RBFOX1: variants seen among roughly 807,000 people sequenced by gnomAD.
The protein encoded by RBFOX1 is RNA binding protein fox-1 homolog 1.
Under a neutral mutation model 57.7 loss-of-function variants are expected in RBFOX1, and 8 were observed. The ratio of observed to expected loss-of-function variants is 0.14; its 90% CI spans 0.08 to 0.25. The LOEUF (loss-of-function observed/expected upper bound fraction) is 0.25. RBFOX1 is among the 10% of genes least tolerant of loss of function. RBFOX1 has a pLI of 1.00. For synonymous variants in RBFOX1, 326 were observed against 222.4 expected, an observed-to-expected ratio of 1.47 and a Z score of -4.15; for missense variants, 611 against 548.5, an observed-to-expected ratio of 1.11 and a Z score of -1.14.
chr16:6,521,444 C>T (rs1235768367), intron 2 of RBFOX1, among the ~76,000 whole-genome samples: 1 of 144,252 alleles, frequency 6.9e-6, no homozygotes, highest in Non-Finnish European at 1.5e-5. Context: ...CCCTCCCCTC[C>T]CCTCCCGTCC....
chr16:6,396,429 C>T (rs1242276270), intron 2 of RBFOX1, among the ~76,000 whole-genome samples: 1 of 152,126 alleles, frequency 6.6e-6, no homozygotes, highest in Non-Finnish European at 1.5e-5. Flanking sequence ...CAATGAAAGA[C>T]ACATAGATAG....
intron 1 of RBFOX1, among the ~76,000 whole-genome samples, chr16:6,053,467 G>A (rs2095577914): frequency 6.6e-6 from 1 of 152,160 alleles, no homozygotes; most frequent in Non-Finnish European, 1.5e-5. Flanking sequence ...AGCTGTCACT[G>A]CAGTGGCTGA....
Position 7,105,975 on chromosome 16 carries a change from C to G in RBFOX1, c.27+53877C>G, listed in dbSNP as rs142398447. Among the ~76,000 whole-genome samples, 863 of 152,230 alleles carry G rather than the reference C, an allele frequency of 5.7e-3. 29 individuals carry two copies. Among genetic ancestry groups the G allele is most frequent in the Admixed American group, 0.048 (733 of 15,272 alleles). ...GTCCAGTCTTTGTCTGTGCTAATGA[C>G]AACTCTATGAAACTACTCAGTCCAG... On this transcript the variant is annotated intron_variant, in intron 4 of 15. Transcript: ENST00000550418.
At chr16:6,822,967 G>A (rs576066209) in intron 3 of RBFOX1, among the ~76,000 whole-genome samples, 106 of 152,250 alleles carry the variant, frequency 7.0e-4, no homozygotes, top group Middle Eastern at 3.4e-3. Context: ...GACAAAAAAC[G>A]ATGATCCCTA....
intron 1 of RBFOX1, among the ~76,000 whole-genome samples, chr16:6,031,506 G>A (rs570144571): frequency 6.6e-6 from 1 of 152,330 alleles, no homozygotes; most frequent in African/African-American, 2.4e-5. Flanking sequence ...TGCCAGAAAA[G>A]CAATGTGTGT....
At chr16:5,807,628 G>T (rs2055274518) in intron 3 of RBFOX1, among the ~76,000 whole-genome samples, 1 of 152,206 alleles carries the variant, frequency 6.6e-6, no homozygotes, top group East Asian at 1.9e-4. Context: ...GTCAGGGAGG[G>T]GGCTTTTAGA....
chr16:6,286,655 G>C (rs1190822717), intron 1 of RBFOX1, among the ~76,000 whole-genome samples: 1 of 152,170 alleles, frequency 6.6e-6, no homozygotes, highest in Non-Finnish European at 1.5e-5. Context: ...ACTCCGAGCA[G>C]AAGGTTACTG....
chr16:6,323,064 T>C (rs2081993349), intron 2 of RBFOX1, among the ~76,000 whole-genome samples: 2 of 152,284 alleles, frequency 1.3e-5, no homozygotes, highest in South Asian at 4.1e-4. Context: ...GCAGGAACTC[T>C]GCAGACCTTT....
Position 5,396,677 on chromosome 16 carries a change from T to A in RBFOX1, c.220-70539T>A, listed in dbSNP as rs373347342. Among the ~76,000 whole-genome samples, 77 of 152,000 alleles carry A rather than the reference T, an allele frequency of 5.1e-4. 1 individual carries two copies. Among genetic ancestry groups the A allele is most frequent in the African/African-American group, 1.7e-3 (72 of 41,480 alleles). On this transcript the variant is annotated intron_variant, in intron 1 of 2. Transcript: ENST00000585867. ...AAAAAGATGAAAGAAGGAGGAAAGA[T>A]CAAGATTCAAGACCCCTCCCTACCT...
chr16:6,423,702 A>T (rs2093840069), intron 2 of RBFOX1, among the ~76,000 whole-genome samples: 1 of 152,174 alleles, frequency 6.6e-6, no homozygotes. Flanking sequence ...AGCAGCACTG[A>T]TGGAGAGACA....
chr16:5,481,899 G>A (rs1218389584), intron 2 of RBFOX1, among the ~76,000 whole-genome samples: 5 of 152,150 alleles, frequency 3.3e-5, no homozygotes, highest in Non-Finnish European at 5.9e-5. Flanking sequence ...GATGGGATAA[G>A]GGCCCACCCT....
chr16:6,473,230 T>G (rs978720523), intron 2 of RBFOX1, among the ~76,000 whole-genome samples: 2 of 152,214 alleles, frequency 1.3e-5, no homozygotes, highest in Admixed American at 6.5e-5. Context: ...TGGTGATTAG[T>G]GAACATGGAT....
chr16:5,531,785 A>G (rs890271162), intron 2 of RBFOX1, among the ~76,000 whole-genome samples: 20 of 148,976 alleles, frequency 1.3e-4, no homozygotes, highest in African/African-American at 4.7e-4. Context: ...TCAAAGGGAC[A>G]TGACATGTCA....
At chr16:7,382,181 C>G (rs1054741273) in intron 4 of RBFOX1, among the ~76,000 whole-genome samples, 1 of 152,154 alleles carries the variant, frequency 6.6e-6, no homozygotes. Context: ...ATATATCACA[C>G]TTAGCCACTA....
intron 3 of RBFOX1, among the ~76,000 whole-genome samples, chr16:6,968,828 T>G (rs944189649): frequency 1.4e-4 from 22 of 151,988 alleles, no homozygotes; most frequent in African/African-American, 4.8e-4. Flanking sequence ...TTTGTTTTTT[T>G]TTTTTTAAAG....
intron 5 of RBFOX1, among the ~76,000 whole-genome samples, chr16:7,543,667 CTGTGTGTGTGTGTGTGTG>C (rs71150310): frequency 0.16 from 22,701 of 141,442 alleles, 2,157 homozygotes; most frequent in East Asian, 0.33. Flanking sequence ...TGGGCAGTAT[CTGTGTGTGTGTGTGTGTG>C]TGTGTGTGTG....
At chr16:7,378,647 A>T (rs2097729305) in intron 4 of RBFOX1, among the ~76,000 whole-genome samples, 2 of 152,120 alleles carry the variant, frequency 1.3e-5, no homozygotes, top group African/African-American at 4.8e-5. Flanking sequence ...TGCTTGGTAC[A>T]AATTCAGTTT....
At chr16:6,031,782 C>CAGCATGTA (rs1182980418) in intron 1 of RBFOX1, among the ~76,000 whole-genome samples, 1 of 152,218 alleles carries the variant, frequency 6.6e-6, no homozygotes, top group African/African-American at 2.4e-5. Context: ...ACGCTGCTTA[C>CAGCATGTA]AGCATGTGCA....
At chr16:6,588,642 A>T (rs573909037) in intron 2 of RBFOX1, among the ~76,000 whole-genome samples, 2 of 152,210 alleles carry the variant, frequency 1.3e-5, no homozygotes, top group African/African-American at 4.8e-5. Flanking sequence ...ACAGAGTGAG[A>T]CTAAGTCTGA....
Sources: allele counts gnomAD v4.1 joint callset (sites outside exome capture counted in the v4.1 genomes callset), GRCh38; gene constraint gnomAD v4.1.1; transcripts MANE v1.5; gene names NCBI Gene and HGNC (gene_info 2026-07-23, HGNC 2026-07-21).